Variants in ZNF28 observed in about 807,000 individuals in gnomAD.
The protein encoded by ZNF28 is zinc finger protein 28.
In ZNF28, 5 loss-of-function variants were observed where a neutral mutation model predicts 7.2. The observed-to-expected ratio is 0.70, with a 90% CI of 0.36 to 1.46. The LOEUF (loss-of-function observed/expected upper bound fraction) is 1.46. Among genes scored for constraint, ZNF28 ranks in the 40% most tolerant of loss-of-function variants. The pLI is 0.03. For missense variants in ZNF28, 879 were observed against 866.6 expected, an observed-to-expected ratio of 1.01 and a Z score of -0.18; for synonymous variants, 288 against 292.4, an observed-to-expected ratio of 0.99 and a Z score of 0.15.
At position 52,819,618 on chromosome 19, in the gene ZNF28, A is replaced by G. The variant is rs542424766; in HGVS notation, c.-73-1587T>C. Among the ~76,000 whole-genome samples, 67 of 120,242 alleles carry G rather than the reference A, an allele frequency of 5.6e-4. 6 individuals carry two copies. Among genetic ancestry groups the G allele is most frequent in the African/African-American group, 1.5e-3 (41 of 27,674 alleles). 78.9% of individuals were successfully genotyped at this position (120,242 alleles called of 152,430 possible). ...GCTCAGAGCTGGAAACATTTTCACG[A>G]AGTTACCCTGAGAAGGTCTGAGATG... On this transcript the variant is annotated intron_variant, in intron 1 of 3. Coordinates refer to ENST00000457749, the MANE Select transcript of ZNF28 (RefSeq NM_006969.5).
intron 2 of ZNF28, chr19:52,809,930 C>A: frequency 2.3e-6 from 2 of 862,208 alleles, no homozygotes; most frequent in East Asian, 2.7e-5. Context: ...GTGGGGAGGC[C>A]GGGGAGGTTG....
At chr19:52,818,580 C>G (rs7258512) in intron 1 of ZNF28, among the ~76,000 whole-genome samples, 101,332 of 151,906 alleles carry the variant, frequency 0.67, 34,611 homozygotes, top group Non-Finnish European at 0.73. Flanking sequence ...GGGCTTGATG[C>G]GCATCTGTAA....
At position 52,819,528 on chromosome 19, in the gene ZNF28, G is replaced by A. The variant is rs62120979; in HGVS notation, c.-73-1497C>T. On this transcript the variant is annotated intron_variant, in intron 1 of 3. Transcript: ENST00000457749. The stretch of plus-strand genomic sequence containing the variant: ...TTTGCCAATCATTTCAGTGGCCAGG[G>A]TCACTCGGGTTGAGCTTTTCTGGTC... Among the ~76,000 whole-genome samples the A allele has an allele frequency of 1.1e-3, 81 of 71,292 alleles. 21 individuals are homozygous for A. Among genetic ancestry groups the A allele is most frequent in the African/African-American group, 2.8e-3 (55 of 19,360 alleles). The allele number at this position is 71,292 out of a possible 152,430, so 46.8% of individuals were successfully genotyped here.
At chr19:52,818,473 A>G (rs1301813386) in intron 1 of ZNF28, among the ~76,000 whole-genome samples, 1 of 151,990 alleles carries the variant, frequency 6.6e-6, no homozygotes, top group Non-Finnish European at 1.5e-5. Flanking sequence ...AACACTCTGA[A>G]AGGCCGAGGT....
In ZNF28 at chr19:52,815,780, G is replaced by A. The variant is rs1209184520; in HGVS notation, c.15+2164C>T. Among the ~76,000 whole-genome samples the A allele has an allele frequency of 1.4e-5, 2 of 145,982 alleles. 1 individual carries two copies. Among genetic ancestry groups the A allele is most frequent in the East Asian group, 4.0e-4 (2 of 4,968 alleles). ...GCGGAGCTTGCAGTGAGCCGAGATT[G>A]CACCACTGCACTCCAGCCTGGGCGA... On this transcript the variant is annotated intron_variant, in intron 2 of 3. Transcript: ENST00000457749.
intron 2 of ZNF28, among the ~76,000 whole-genome samples, chr19:52,811,281 G>T (rs2147657829): frequency 6.6e-6 from 1 of 151,750 alleles, no homozygotes; most frequent in East Asian, 1.9e-4. Context: ...GCCTCCCAAA[G>T]AGCCGAGATT....
In ZNF28 at chr19:52,800,482, C is replaced by T; in HGVS notation, c.1363G>A (p.Ala455Thr). 2 of 1,613,490 alleles carry T rather than the reference C, an allele frequency of 1.2e-6. No homozygotes were observed. Among genetic ancestry groups the T allele is most frequent in the Non-Finnish European group, 1.7e-6 (2 of 1,179,826 alleles). Reference protein sequence around the residue: ...GKVFNQQSTLARHHRLHTAEK... With the variant: ...GKVFNQQSTLTRHHRLHTAEK... Reference sequence around the variant, plus strand: ...GCAGTATGAAGTCTATGATGGCGTGCAAGAGTTGATTGTTGATTAAAAACC... The same window carrying T: ...GCAGTATGAAGTCTATGATGGCGTGTAAGAGTTGATTGTTGATTAAAAACC... Residue 455 changes from alanine to threonine, a missense_variant, in exon 4 of 4, where the codon GCA becomes ACA. Ala to Thr is a moderately conservative substitution (Grantham distance 58, BLOSUM62 0). Around this residue, in one of 2 missense-constraint regions of ZNF28, gnomAD observed 864 missense variants for 830.2 expected, o/e 1.04. Transcript: ENST00000457749.
chr19:52,799,019 T>TAAC lies in ZNF28; in HGVS notation c.*668_*669insGTT. 1 of 747,050 alleles carries TAAC rather than the reference T, an allele frequency of 1.3e-6. No individual in the cohort carries two copies. 46.3% of individuals were successfully genotyped at this position (747,050 alleles called of 1,614,324 possible). On this transcript the variant is annotated 3_prime_UTR_variant, in exon 4 of 4. Coordinates refer to ENST00000457749, the MANE Select transcript of ZNF28 (RefSeq NM_006969.5). ...AGCCTTGTTACAAACCTTACATTTG[T>TAAC]ATGTTTTTTCTCCAGTATGAATTCT...
chr19:52,816,834 A>AAATAATAAT (rs34015590), intron 2 of ZNF28, among the ~76,000 whole-genome samples: 3,310 of 138,370 alleles, frequency 0.024, 44 homozygotes, highest in African/African-American at 0.034. Flanking sequence ...CCGTTTCAGA[A>AAATAATAAT]AATAATAATA....
chr19:52,820,485 C>T lies in ZNF28; in HGVS notation c.-74+1101G>A, dbSNP rs374936490. Among the ~76,000 whole-genome samples, 531 of 151,904 alleles carry T rather than the reference C, an allele frequency of 3.5e-3. 2 individuals carry two copies. The highest frequency in any genetic ancestry group is 0.012 in the African/African-American group (510 of 41,288). On this transcript the variant is annotated intron_variant, in intron 1 of 3. Coordinates refer to ENST00000457749, the MANE Select transcript of ZNF28 (RefSeq NM_006969.5). Reference sequence around the variant, plus strand: ...GTCCTCAATCTCCATAGATTTCCACCTCTTCTCCCCTCTCTGCTCTCCCTG... The same window carrying T: ...GTCCTCAATCTCCATAGATTTCCACTTCTTCTCCCCTCTCTGCTCTCCCTG...
At chr19:52,814,115 C>G in intron 2 of ZNF28, among the ~76,000 whole-genome samples, 1 of 146,536 alleles carries the variant, frequency 6.8e-6, no homozygotes. Flanking sequence ...AAGACTTGCT[C>G]TGACACCTGG....
intron 2 of ZNF28, among the ~76,000 whole-genome samples, chr19:52,810,896 C>T (rs1161389544): frequency 1.1e-4 from 2 of 17,616 alleles, no homozygotes; most frequent in African/African-American, 4.9e-4. Context: ...CCTCCCCCTC[C>T]CCCTCCCTCT....
chr19:52,799,296 A>G lies in ZNF28; in HGVS notation c.*392T>C, dbSNP rs1457141164. 3 of 354,350 alleles carry G rather than the reference A, an allele frequency of 8.5e-6. No individual in the cohort carries two copies. The highest frequency in any genetic ancestry group is 1.3e-4 in the East Asian group (2 of 15,234). The allele number at this position is 354,350 out of a possible 1,614,324, so 22.0% of individuals were successfully genotyped here. On this transcript the variant is annotated 3_prime_UTR_variant, in exon 4 of 4. Coordinates refer to ENST00000457749, the MANE Select transcript of ZNF28 (RefSeq NM_006969.5). ...AGGTTTCTCTCCAGTTTGAATTCTA[A>G]TATGTTTTGCCAGGTATGAATTATA...
At position 52,799,221 on chromosome 19, in the gene ZNF28, A is replaced by G. The variant is rs546844401; in HGVS notation, c.*467T>C. ...TCCAATACGAATTGCCTTTTGAATT[A>G]CAAGGTATGAATTTTGACCAAAGGT... On this transcript the variant is annotated 3_prime_UTR_variant, in exon 4 of 4. Coordinates refer to ENST00000457749, the MANE Select transcript of ZNF28 (RefSeq NM_006969.5). 7.6e-6 allele frequency: 3 copies of G among 395,850 alleles called. No homozygotes were observed. The highest frequency in any genetic ancestry group is 1.5e-5 in the Non-Finnish European group (3 of 203,870). 24.5% of individuals were successfully genotyped at this position (395,850 alleles called of 1,614,324 possible). A position where few individuals can be genotyped will look rare whatever the true frequency, so the allele number is the denominator to read the frequency against.
rs773896933 is a variant in ZNF28 at position 52,800,738 on chromosome 19, G to C, written c.1107C>G (p.Thr369=). 12 of 1,609,668 alleles carry C rather than the reference G, an allele frequency of 7.5e-6. No individual in the cohort carries two copies. The highest frequency in any genetic ancestry group is 2.7e-5 in the African/African-American group (2 of 73,476). The part of the protein sequence containing the change: ...ECGKVFNRLS[T]LARHRRLHTG... ...TATGAAGCCTACGATGGCGTGCAAG[G>C]GTTGACAGTCGATTAAAAACCTTGC... The change falls in exon 4 of 4, where the codon ACC becomes ACG. Residue 369 remains threonine (T), a synonymous_variant. Coordinates refer to ENST00000457749, the MANE Select transcript of ZNF28 (RefSeq NM_006969.5).
chr19:52,798,968 T>C lies in ZNF28; in HGVS notation c.*720A>G. Reference sequence around the variant, plus strand: ...CTCTCCAGTGTGAATTCTAGTATGGTGTGCCAGGTGTGAATCACTCCCAAA... The same window carrying C: ...CTCTCCAGTGTGAATTCTAGTATGGCGTGCCAGGTGTGAATCACTCCCAAA... On this transcript the variant is annotated 3_prime_UTR_variant, in exon 4 of 4. Coordinates refer to ENST00000457749, the MANE Select transcript of ZNF28 (RefSeq NM_006969.5). 1.6e-6 allele frequency: 2 copies of C among 1,255,280 alleles called. No homozygotes were observed. Among genetic ancestry groups the C allele is most frequent in the Non-Finnish European group, 2.2e-6 (2 of 915,724 alleles). 77.8% of individuals were successfully genotyped at this position (1,255,280 alleles called of 1,614,324 possible).
Position 52,800,884 on chromosome 19 carries a change from A to T in ZNF28, c.961T>A (p.Tyr321Asn). Residue 321 changes from tyrosine (Y) to asparagine (N), a missense_variant, in exon 4 of 4, where the codon TAT becomes AAT. Around this residue, in one of 2 missense-constraint regions of ZNF28, gnomAD observed 864 missense variants for 830.2 expected, o/e 1.04. Coordinates refer to ENST00000457749, the MANE Select transcript of ZNF28 (RefSeq NM_006969.5). ...CATTTGTATGGTTTCCCTCCAGTAT[A>T]AATTATCTTATGTGTTTCAAGGTGT... is the stretch of plus-strand genomic sequence containing the variant. ...KSHLETHKII[Y>N]TGGKPYKCKV... 6.2e-7 allele frequency: 1 copy of T among 1,613,322 alleles called. No individual in the cohort carries two copies. Among genetic ancestry groups the T allele is most frequent in the Non-Finnish European group, 8.5e-7 (1 of 1,179,774 alleles).
chr19:52,803,372 A>T (rs2062897869), intron 3 of ZNF28, among the ~76,000 whole-genome samples: 1 of 152,128 alleles, frequency 6.6e-6, no homozygotes, highest in African/African-American at 2.4e-5. Context: ...GAGCCACTGC[A>T]CCCTGTGGCA....
rs1215227047 is a variant in ZNF28, at chr19:52,798,435, AAAC to A, written c.*1250_*1252del. On this transcript the variant is annotated 3_prime_UTR_variant, in exon 4 of 4. Transcript: ENST00000457749. The stretch of plus-strand genomic sequence containing the variant: ...TGGCTTGCTATACTAATGGCATTTG[AAAC>A]AACTGTCTCCAAAAGGAATTGTCTG... 3.0e-5 allele frequency: 13 copies of A among 430,098 alleles called. No individual in the cohort carries two copies. The Admixed American group carries it at 3.9e-4, about 13-fold the overall frequency. 26.6% of individuals were successfully genotyped at this position (430,098 alleles called of 1,614,324 possible).
Sources: allele counts gnomAD v4.1 joint callset (sites outside exome capture counted in the v4.1 genomes callset), GRCh38; gene constraint gnomAD v4.1.1; regional missense constraint gnomAD v4.1.1; transcripts MANE v1.5; gene names NCBI Gene and HGNC (gene_info 2026-07-23, HGNC 2026-07-21).